Variants in KIF15 observed in about 807,000 individuals in gnomAD.
KIF15 encodes kinesin family member 15, also known as kinesin-like protein KIF15.
A neutral mutation model predicts 190.6 loss-of-function variants in KIF15; 140 were observed. The ratio of observed to expected loss-of-function variants is 0.73; its 90% CI spans 0.64 to 0.84. The LOEUF (loss-of-function observed/expected upper bound fraction) is 0.84. Among genes scored for constraint, KIF15 ranks in the 40% least tolerant of loss-of-function variants. KIF15 has a pLI of 0.00. For missense variants in KIF15, 1,372 were observed against 1,584.4 expected (o/e 0.87, Z 2.28); for synonymous variants, 528 against 551.3 (o/e 0.96, Z 0.59).
At chr3:44,801,731 T>A in intron 12 of KIF15, 34 bp from the exon 13 acceptor site, 1 of 1,345,406 alleles carries the variant, frequency 7.4e-7, no homozygotes, top group Non-Finnish European at 1.0e-6. Flanking sequence ...TCAAATTATT[T>A]TTCATGTTTA....
chr3:44,821,989 C>T (rs982094526), intron 20 of KIF15, among the ~76,000 whole-genome samples: 11 of 152,102 alleles, frequency 7.2e-5, no homozygotes, highest in East Asian at 1.9e-4. Flanking sequence ...TCAGGCGTGG[C>T]GGTGCGTGCC....
intron 20 of KIF15, among the ~76,000 whole-genome samples, chr3:44,816,106 G>A (rs540471191): frequency 6.6e-6 from 1 of 151,846 alleles, no homozygotes; most frequent in African/African-American, 2.4e-5. Flanking sequence ...ATGAAATACT[G>A]ACAATAGTTT....
At position 44,826,442 on chromosome 3, in the gene KIF15, A is replaced by G. The variant is rs1463976947; in HGVS notation, c.2768A>G (p.Asp923Gly). Residue 923 changes from aspartate (D) to glycine (G), a missense_variant, in exon 22 of 35, where the codon GAT (aspartate) becomes GGT (glycine). Asp to Gly is a moderately conservative substitution (Grantham distance 94, BLOSUM62 -1). Transcript: ENST00000326047. ...NNKLSLQFEEDKENSSKEILK... is the reference protein window; with the variant it reads ...NNKLSLQFEEGKENSSKEILK... Reference sequence around the variant, plus strand: ...AAATTATCATTACAGTTTGAAGAAGATAAAGAAAACAGTTCTAAGTGAGTG... The same window carrying G: ...AAATTATCATTACAGTTTGAAGAAGGTAAAGAAAACAGTTCTAAGTGAGTG... The G allele has an allele frequency of 1.9e-6, 3 of 1,611,042 alleles. No homozygotes were observed. Among genetic ancestry groups the G allele is most frequent in the East Asian group, 2.2e-5 (1 of 44,836 alleles).
rs777011710 is a variant in KIF15, at chr3:44,842,372, C to CA, written c.3586-752dup. Among the ~76,000 whole-genome samples the CA allele has an allele frequency of 5.9e-5, 9 of 152,158 alleles. No individual in the cohort carries two copies. In the East Asian group the frequency reaches 1.4e-3, roughly 23 times the overall value. On this transcript the variant is annotated intron_variant, in intron 29 of 34. Coordinates refer to ENST00000326047, the MANE Select transcript of KIF15 (RefSeq NM_020242.3). ...GAGTGTCTGGGTAGGTGTGTAGGTG[C>CA]ATGGGGAAGGATGTGATGCTCCACA...
chr3:44,826,202 G>GGGAGTTGGTAATT lies in KIF15; in HGVS notation c.2700+15_2700+16insAGTTGGTAATTGG, dbSNP rs146908644. 6,055 of 1,569,550 alleles carry GGGAGTTGGTAATT rather than the reference G, an allele frequency of 3.9e-3. 158 individuals are homozygous for GGGAGTTGGTAATT. The African/African-American group carries it at 0.065, about 17-fold the overall frequency. Reference sequence around the variant, plus strand: ...ATCTGATCTGAATGTATGTTAAGAAGGGTGAATTTGTCCCGCATCTGTGAC... The same window carrying GGGAGTTGGTAATT: ...ATCTGATCTGAATGTATGTTAAGAAGGGAGTTGGTAATTGGTGAATTTGTCCCGCATCTGTGAC... On this transcript the variant is annotated intron_variant, in intron 21 of 34. Transcript: ENST00000326047.
chr3:44,821,508 C>T (rs1697314534), intron 20 of KIF15, among the ~76,000 whole-genome samples: 1 of 151,448 alleles, frequency 6.6e-6, no homozygotes, highest in Admixed American at 6.6e-5. Flanking sequence ...AGAGGCGCTC[C>T]CCACATCTCA....
intron 1 of KIF15, among the ~76,000 whole-genome samples, chr3:44,768,837 T>G (rs1318185758): frequency 6.6e-6 from 1 of 151,146 alleles, no homozygotes; most frequent in Non-Finnish European, 1.5e-5. Flanking sequence ...ACGACTGGAG[T>G]TTGATGACCT....
chr3:44,861,986 C>T, intron 6 of KIF15: 1 of 1,383,130 alleles, frequency 7.2e-7, no homozygotes, highest in Non-Finnish European at 9.4e-7. Flanking sequence ...CCTGACACCC[C>T]CGCGGAATTC....
intron 8 of KIF15, among the ~76,000 whole-genome samples, chr3:44,796,333 T>C (rs1360924297): frequency 6.6e-6 from 1 of 152,198 alleles, no homozygotes; most frequent in Non-Finnish European, 1.5e-5. Flanking sequence ...TGCTCCAACC[T>C]GGGTGACAGA....
At chr3:44,785,534 C>A (rs1706362321) in intron 6 of KIF15, among the ~76,000 whole-genome samples, 1 of 152,148 alleles carries the variant, frequency 6.6e-6, no homozygotes, top group Non-Finnish European at 1.5e-5. Context: ...GAATTCGGGG[C>A]TTAGAACCAT....
chr3:44,783,798 T>G (rs1206166338), intron 5 of KIF15, among the ~76,000 whole-genome samples: 4 of 152,242 alleles, frequency 2.6e-5, no homozygotes, highest in African/African-American at 9.6e-5. Flanking sequence ...ATTTTTCTTG[T>G]GCATGTCAGC....
intron 19 of KIF15, among the ~76,000 whole-genome samples, chr3:44,814,001 A>C (rs535014315): frequency 3.3e-5 from 5 of 152,296 alleles, no homozygotes; most frequent in African/African-American, 1.2e-4. Flanking sequence ...CGTAGGTTAT[A>C]TATTTGTATA....
At chr3:44,806,688 G>A (rs184396643) in intron 16 of KIF15, among the ~76,000 whole-genome samples, 239 of 152,256 alleles carry the variant, frequency 1.6e-3, no homozygotes, top group Non-Finnish European at 2.7e-3. Context: ...GGGAGGTTGA[G>A]GCAAGAGGAT....
chr3:44,772,201 C>G (rs1575575843), intron 1 of KIF15, among the ~76,000 whole-genome samples: 7 of 152,298 alleles, frequency 4.6e-5, no homozygotes, highest in Admixed American at 6.5e-5. Context: ...ATTAGCCTCT[C>G]AGTGGGGCCC....
At chr3:44,861,972 G>C in intron 6 of KIF15, 3 of 1,393,316 alleles carry the variant, frequency 2.2e-6, no homozygotes, top group Non-Finnish European at 2.8e-6. Flanking sequence ...CCGCGACCGC[G>C]TACCCTGACA....
chr3:44,861,831 A>C, intron 6 of KIF15: 2 of 1,348,182 alleles, frequency 1.5e-6, no homozygotes, highest in African/African-American at 1.5e-5. Flanking sequence ...GCGTGGCGTC[A>C]CAGGAGCGTC....
intron 6 of KIF15, among the ~76,000 whole-genome samples, chr3:44,858,458 T>A (rs1699209471): frequency 6.6e-6 from 1 of 152,004 alleles, no homozygotes; most frequent in Non-Finnish European, 1.5e-5. Flanking sequence ...TAGGTTTTAA[T>A]GGGATAGTAA....
intron 8 of KIF15, among the ~76,000 whole-genome samples, chr3:44,796,820 A>G (rs1224123349): frequency 1.3e-5 from 2 of 152,100 alleles, no homozygotes; most frequent in Non-Finnish European, 2.9e-5. Context: ...TAAGTTCATC[A>G]GTGGCTTTGG....
intron 1 of KIF15, among the ~76,000 whole-genome samples, chr3:44,762,898 C>T (rs992421626): frequency 2.0e-5 from 3 of 152,122 alleles, no homozygotes; most frequent in Admixed American, 2.0e-4. Flanking sequence ...AAATGTTCAT[C>T]CTGCTTTCTG....
Sources: allele counts gnomAD v4.1 joint callset (sites outside exome capture counted in the v4.1 genomes callset), GRCh38; gene constraint gnomAD v4.1.1; transcripts MANE v1.5; gene names NCBI Gene and HGNC (gene_info 2026-07-23, HGNC 2026-07-21).